The following CRACDL variants were observed in gnomAD, a reference collection of about 807,000 sequenced individuals.
CRACDL encodes the protein CRACD like.
A neutral mutation model predicts 70.6 loss-of-function variants in CRACDL; 26 were observed. The observed-to-expected ratio is 0.37, with a 90% CI of 0.27 to 0.51. CRACDL has a LOEUF of 0.51. Ranked by LOEUF, CRACDL falls within the 20% of genes least tolerant of loss-of-function variation. The probability of loss-of-function intolerance (pLI) is 0.94; values close to 1 mark genes in which losing one functional copy is unlikely to be tolerated. For synonymous variants in CRACDL, 618 were observed against 615.2 expected (o/e 1.00, Z -0.07); for missense variants, 1,283 against 1,376.9 (o/e 0.93, Z 1.08).
intron 7 of CRACDL, among the ~76,000 whole-genome samples, chr2:98,813,635 T>C (rs1267825158): frequency 2.0e-5 from 3 of 152,192 alleles, no homozygotes; most frequent in African/African-American, 7.2e-5. Context: ...GAAAAAAATA[T>C]GAGAAAATAT....
At chr2:98,821,322 T>A (rs1705016924) in intron 7 of CRACDL, among the ~76,000 whole-genome samples, 1 of 152,320 alleles carries the variant, frequency 6.6e-6, no homozygotes. Flanking sequence ...TAGCTGGGAC[T>A]ACAGGCCCTC....
intron 1 of CRACDL, among the ~76,000 whole-genome samples, chr2:98,852,378 C>T (rs369812969): frequency 1.6e-4 from 24 of 152,172 alleles, no homozygotes; most frequent in East Asian, 5.8e-4. Flanking sequence ...CAATAATCTT[C>T]GGGACAGCAT....
In CRACDL at chr2:98,914,694, A is replaced by G. The variant is rs973893245; in HGVS notation, c.-11+21244T>C. Among the ~76,000 whole-genome samples, 38 of 152,154 alleles carry G rather than the reference A, an allele frequency of 2.5e-4. 2 individuals carry two copies. Among genetic ancestry groups the G allele is most frequent in the Admixed American group, 2.0e-3 (30 of 15,272 alleles). On this transcript the variant is annotated intron_variant, in intron 1 of 9. Coordinates refer to ENST00000397899, the MANE Select transcript of CRACDL (RefSeq NM_207362.3). ...CATGGAGCTTCACGCTGGCCCCACA[A>G]CTGGGGCTCTCCTGCCAACAGACCC...
intron 1 of CRACDL, among the ~76,000 whole-genome samples, chr2:98,920,748 C>T (rs1224985761): frequency 2.6e-5 from 4 of 152,230 alleles, no homozygotes; most frequent in Non-Finnish European, 5.9e-5. Flanking sequence ...CCATCTTGCA[C>T]AGTAGCACTT....
chr2:98,890,422 C>G (rs1707931540), intron 1 of CRACDL, among the ~76,000 whole-genome samples: 1 of 152,098 alleles, frequency 6.6e-6, no homozygotes, highest in African/African-American at 2.4e-5. Context: ...TCTAGAAAGA[C>G]ACAAACTACC....
Position 98,796,104 on chromosome 2 carries a change from T to G in CRACDL, c.2749+16A>C, listed in dbSNP as rs1703807096. On this transcript the variant is annotated intron_variant, in intron 9 of 9. Coordinates refer to ENST00000397899, the MANE Select transcript of CRACDL (RefSeq NM_207362.3). Reference sequence around the variant, plus strand: ...AATGATTTCAAAGTATGTGGTAATGTTTGCAGATTTCATACCCAAGTTCTG... The same window carrying G: ...AATGATTTCAAAGTATGTGGTAATGGTTGCAGATTTCATACCCAAGTTCTG... The G allele has an allele frequency of 6.2e-7, 1 of 1,610,358 alleles. No homozygotes were observed. Among genetic ancestry groups the G allele is most frequent in the Admixed American group, 1.7e-5 (1 of 59,958 alleles).
rs34735420 is a variant in CRACDL, at chr2:98,837,206, G to GAA, written c.239+911_239+912dup. Among the ~76,000 whole-genome samples the GAA allele has an allele frequency of 6.6e-3, 748 of 113,812 alleles. 3 individuals carry two copies. Among genetic ancestry groups the GAA allele is most frequent in the African/African-American group, 0.019 (613 of 31,744 alleles). 74.7% of individuals were successfully genotyped at this position (113,812 alleles called of 152,430 possible). Reference sequence around the variant, plus strand: ...CAAAACCTAAATCAAACCCAAAACTGAAAAAAAAAAAAAAAAAAGGTTCCA... The same window carrying GAA: ...CAAAACCTAAATCAAACCCAAAACTGAAAAAAAAAAAAAAAAAAAAGGTTCCA... On this transcript the variant is annotated intron_variant, in intron 3 of 9. Transcript: ENST00000397899.
chr2:98,828,574 C>A (rs1187187912), intron 5 of CRACDL, among the ~76,000 whole-genome samples: 1 of 152,098 alleles, frequency 6.6e-6, no homozygotes, highest in Non-Finnish European at 1.5e-5. Context: ...GACAGGGAAC[C>A]ATAAGGATGA....
At chr2:98,916,794 C>T (rs1218744909) in intron 1 of CRACDL, among the ~76,000 whole-genome samples, 4 of 152,110 alleles carry the variant, frequency 2.6e-5, no homozygotes, top group African/African-American at 9.7e-5. Flanking sequence ...AGGAGAGGAG[C>T]GAGTCCCTGA....
chr2:98,849,258 G>A (rs1236471050), intron 1 of CRACDL, among the ~76,000 whole-genome samples: 2 of 152,216 alleles, frequency 1.3e-5, no homozygotes, highest in Admixed American at 6.5e-5. Context: ...GAAAGGAACC[G>A]GAGGCCACTG....
chr2:98,818,761 G>A (rs1704902247), intron 7 of CRACDL, among the ~76,000 whole-genome samples: 1 of 152,220 alleles, frequency 6.6e-6, no homozygotes, highest in African/African-American at 2.4e-5. Flanking sequence ...TGTGGGGGCA[G>A]CTTCACTGCT....
At chr2:98,911,501 G>C (rs901865921) in intron 1 of CRACDL, among the ~76,000 whole-genome samples, 3 of 152,196 alleles carry the variant, frequency 2.0e-5, no homozygotes, top group African/African-American at 4.8e-5. Context: ...CCCACTTCGT[G>C]TGCCAGGCCC....
chr2:98,803,270 G>A (rs1313219702), intron 7 of CRACDL, among the ~76,000 whole-genome samples: 1 of 152,086 alleles, frequency 6.6e-6, no homozygotes. Flanking sequence ...AAAGTGCTGG[G>A]ATTACAGGCA....
chr2:98,894,616 G>A (rs1177604648), intron 1 of CRACDL, among the ~76,000 whole-genome samples: 1 of 152,222 alleles, frequency 6.6e-6, no homozygotes, highest in Non-Finnish European at 1.5e-5. Flanking sequence ...AAGAAACGGT[G>A]TGGGGAAAGA....
At chr2:98,922,705 G>A (rs959676882) in intron 1 of CRACDL, among the ~76,000 whole-genome samples, 1 of 152,146 alleles carries the variant, frequency 6.6e-6, no homozygotes, top group Non-Finnish European at 1.5e-5. Context: ...AAGGTCCCCT[G>A]CAAAACAGGG....
In CRACDL at chr2:98,823,547, A is replaced by G; in HGVS notation, c.736-10T>C. 1 of 1,558,420 alleles carries G rather than the reference A, an allele frequency of 6.4e-7. No individual in the cohort carries two copies. The highest frequency in any genetic ancestry group is 8.6e-7 in the Non-Finnish European group (1 of 1,159,480). ...ATTCAGACTGAGCGCGCTGAGAGAA[A>G]TAAAGATAAAAAGCATCGTCGCTAT... is the stretch of plus-strand genomic sequence containing the variant. On this transcript the variant is annotated splice_polypyrimidine_tract_variant and intron_variant, in intron 6 of 9. Coordinates refer to ENST00000397899, the MANE Select transcript of CRACDL (RefSeq NM_207362.3). The surrounding 1 kb of genome is among the most constrained non-coding windows in gnomAD (Gnocchi z 4.0).
In CRACDL at chr2:98,797,538, C is replaced by T; in HGVS notation, c.2417-1G>A. 1 of 1,613,474 alleles carries T rather than the reference C, an allele frequency of 6.2e-7. No individual in the cohort carries two copies. The highest frequency in any genetic ancestry group is 2.2e-5 in the East Asian group (1 of 44,878). ...GTTGCTGCAGGCGGCAGACTCTTTT[C>T]TGTTGGGTAAAGGCACAAGATTATA... On this transcript the variant is annotated splice_acceptor_variant, in intron 7 of 9. Coordinates refer to ENST00000397899, the MANE Select transcript of CRACDL (RefSeq NM_207362.3). LOFTEE classifies it high-confidence loss of function.
chr2:98,904,721 A>G (rs1708361807), intron 1 of CRACDL, among the ~76,000 whole-genome samples: 1 of 152,136 alleles, frequency 6.6e-6, no homozygotes, highest in Admixed American at 6.6e-5. Context: ...TTGTGTCTCT[A>G]TGTTTATGAA....
intron 7 of CRACDL, among the ~76,000 whole-genome samples, chr2:98,804,416 C>T (rs1704204754): frequency 1.3e-5 from 2 of 152,238 alleles, no homozygotes; most frequent in Admixed American, 1.3e-4. Flanking sequence ...ATGGTGTTGG[C>T]ATGGTCATTT....
Sources: allele counts gnomAD v4.1 joint callset (sites outside exome capture counted in the v4.1 genomes callset), GRCh38; gene constraint gnomAD v4.1.1; non-coding constraint Gnocchi (gnomAD v3.1); transcripts MANE v1.5; gene names NCBI Gene and HGNC (gene_info 2026-07-23, HGNC 2026-07-21).